The following RUFY2 variants were observed in gnomAD, a reference collection of about 807,000 sequenced individuals.
The protein encoded by RUFY2 is RUN and FYVE domain containing 2.
Under a neutral mutation model 94.4 loss-of-function variants are expected in RUFY2, and 49 were observed. That is an observed-to-expected ratio of 0.52 (90% CI 0.41 to 0.66). The LOEUF (loss-of-function observed/expected upper bound fraction) is 0.66. Ranked by LOEUF, RUFY2 falls within the 30% of genes least tolerant of loss-of-function variation. RUFY2 has a pLI of 0.00. For synonymous variants in RUFY2, 255 were observed against 235.7 expected, an observed-to-expected ratio of 1.08 and a Z score of -0.75; for missense variants, 541 against 692.8, an observed-to-expected ratio of 0.78 and a Z score of 2.46.
intron 1 of RUFY2, chr10:68,406,780 C>T (rs762065487): frequency 1.9e-6 from 3 of 1,612,196 alleles, no homozygotes; most frequent in South Asian, 2.2e-5. Flanking sequence ...CAGCATTCCC[C>T]GTCTCCCGCC....
At position 68,346,174 on chromosome 10, in the gene RUFY2, T is replaced by C. The variant is rs115562997; in HGVS notation, c.1600-90A>G. The C allele has an allele frequency of 1.6e-3, 1,406 of 895,990 alleles. 23 individuals carry two copies. In the African/African-American group the frequency reaches 0.022, roughly 14 times the overall value. 55.5% of individuals were successfully genotyped at this position (895,990 alleles called of 1,614,324 possible). A position where few individuals can be genotyped will look rare whatever the true frequency, so the allele number is the denominator to read the frequency against. Reference sequence around the variant, plus strand: ...CCCCCAAGAACATTATTTATAGGAATAGATATATGAAGAATGGAAAATAAG... The same window carrying C: ...CCCCCAAGAACATTATTTATAGGAACAGATATATGAAGAATGGAAAATAAG... On this transcript the variant is annotated intron_variant, in intron 16 of 17. Coordinates refer to ENST00000602465, the MANE Select transcript of RUFY2 (RefSeq NM_001330103.2).
At chr10:68,370,176 T>A (rs905836275) in intron 13 of RUFY2, among the ~76,000 whole-genome samples, 1 of 151,942 alleles carries the variant, frequency 6.6e-6, no homozygotes, top group Non-Finnish European at 1.5e-5. Context: ...TCCCAGCTAC[T>A]AAAGAGGCTG....
intron 12 of RUFY2, 120 bp downstream of exon 12, chr10:68,379,304 A>C: frequency 1.3e-6 from 1 of 749,058 alleles, no homozygotes; most frequent in Non-Finnish European, 2.1e-6. Flanking sequence ...TGCTGGGCTT[A>C]AACAAAAAAC....
At chr10:68,397,582 T>C (rs1310708167) in intron 3 of RUFY2, among the ~76,000 whole-genome samples, 1 of 149,762 alleles carries the variant, frequency 6.7e-6, no homozygotes, top group African/African-American at 2.4e-5. Flanking sequence ...AAAAATAAAT[T>C]AATTAAATTT....
intron 12 of RUFY2, chr10:68,378,013 G>C (rs939858524): frequency 6.8e-5 from 67 of 985,358 alleles, no homozygotes; most frequent in Non-Finnish European, 7.5e-5. Flanking sequence ...TTTTCTCTAA[G>C]GTTACAAAAA....
chr10:68,355,266 T>G, intron 16 of RUFY2, 87 bp downstream of exon 16: 1 of 952,708 alleles, frequency 1.0e-6, no homozygotes. Context: ...TATCCTGGGG[T>G]TAATAATACA....
chr10:68,396,434 T>C (rs1589978885), intron 4 of RUFY2, among the ~76,000 whole-genome samples: 1 of 151,388 alleles, frequency 6.6e-6, no homozygotes, highest in South Asian at 2.1e-4. Context: ...TTTTTATCCA[T>C]AGAATTAACC....
At chr10:68,390,216 T>G (rs1441248989) in intron 7 of RUFY2, among the ~76,000 whole-genome samples, 1 of 152,182 alleles carries the variant, frequency 6.6e-6, no homozygotes, top group African/African-American at 2.4e-5. Flanking sequence ...TTATATGAAG[T>G]CTTTCCTATT....
rs2046104066 is a variant in RUFY2 at position 68,343,660 on chromosome 10, A to C, written c.*2108T>G. 1.3e-5 allele frequency: 2 copies of C among 152,540 alleles called. No homozygotes were observed. Among genetic ancestry groups the C allele is most frequent in the South Asian group, 4.1e-4 (2 of 4,826 alleles). 9.4% of individuals were successfully genotyped at this position (152,540 alleles called of 1,614,324 possible). A position where few individuals can be genotyped will look rare whatever the true frequency, so the allele number is the denominator to read the frequency against. On this transcript the variant is annotated 3_prime_UTR_variant, in exon 18 of 18. Coordinates refer to ENST00000602465, the MANE Select transcript of RUFY2 (RefSeq NM_001330103.2). ...CTGCTAGGTGAGGGAATGGTATGTT[A>C]AGTCTGTTTTTGAAAAGTAAAATGA... is the stretch of plus-strand genomic sequence containing the variant.
chr10:68,400,447 C>T (rs534207591), intron 3 of RUFY2, among the ~76,000 whole-genome samples: 31 of 151,992 alleles, frequency 2.0e-4, no homozygotes, highest in African/African-American at 4.8e-4. Context: ...GAGGCCAAGG[C>T]GGGCGGATCA....
intron 16 of RUFY2, among the ~76,000 whole-genome samples, chr10:68,353,663 G>T (rs1356640298): frequency 6.6e-6 from 1 of 151,944 alleles, no homozygotes; most frequent in Non-Finnish European, 1.5e-5. Flanking sequence ...GCCAGGCAAG[G>T]TGGCACGCAC....
chr10:68,392,271 G>A (rs1389523128), intron 7 of RUFY2, among the ~76,000 whole-genome samples: 1 of 151,910 alleles, frequency 6.6e-6, no homozygotes, highest in Non-Finnish European at 1.5e-5. Flanking sequence ...TACCTCAGGT[G>A]ATCCACCCGC....
chr10:68,406,868 C>A (rs751664719), intron 1 of RUFY2: 35 of 1,606,366 alleles, frequency 2.2e-5, no homozygotes, highest in Non-Finnish European at 3.0e-5. Flanking sequence ...GTCATCGCCC[C>A]TCCCCGCCTG....
intron 16 of RUFY2, among the ~76,000 whole-genome samples, chr10:68,353,299 C>G (rs1246689740): frequency 6.6e-6 from 1 of 151,130 alleles, no homozygotes; most frequent in Non-Finnish European, 1.5e-5. Context: ...CCACTGCACT[C>G]CAGCCTGGGT....
In RUFY2 at chr10:68,394,074, C is replaced by T; in HGVS notation, c.584+1G>A. 2 of 1,502,328 alleles carry T rather than the reference C, an allele frequency of 1.3e-6. No homozygotes were observed. Among genetic ancestry groups the T allele is most frequent in the Non-Finnish European group, 1.8e-6 (2 of 1,117,610 alleles). The allele number at this position is 1,502,328 out of a possible 1,614,324, so 93.1% of individuals were successfully genotyped here. ...TGTGAAATAACTTATGAAAATCATA[C>T]CTTTCTTTATTTCCAATATCTTCTT... On this transcript the variant is annotated splice_donor_variant, in intron 6 of 17. Transcript: ENST00000602465. LOFTEE classifies it high-confidence loss of function.
intron 12 of RUFY2, chr10:68,379,101 A>C: frequency 3.5e-6 from 1 of 281,792 alleles, no homozygotes; most frequent in Non-Finnish European, 6.5e-6. Flanking sequence ...AATCAGGGAT[A>C]ATCTCACTCT....
chr10:68,394,687 T>C (rs1301693649), intron 4 of RUFY2, among the ~76,000 whole-genome samples: 1 of 151,900 alleles, frequency 6.6e-6, no homozygotes, highest in Admixed American at 6.6e-5. Flanking sequence ...CGGACTGCAG[T>C]GGCACTATCT....
intron 5 of RUFY2, 49 bp from the exon 6 acceptor site, chr10:68,394,185 T>C: frequency 6.7e-7 from 1 of 1,496,850 alleles, no homozygotes. Context: ...AAATACTTTA[T>C]CAGAAGTACC....
In RUFY2 at chr10:68,376,471, TATATATATATATATATA is replaced by T. The variant is rs1324601838; in HGVS notation, c.1325+365_1325+381del. ...ATATATATATATATATATATATATA[TATATATATATATATATA>T]TATTCTCAGAAAACAGCATGTCCTT... On this transcript the variant is annotated intron_variant, in intron 13 of 17. Coordinates refer to ENST00000602465, the MANE Select transcript of RUFY2 (RefSeq NM_001330103.2). Among the ~76,000 whole-genome samples the T allele has an allele frequency of 5.2e-3, 205 of 39,664 alleles. 26 individuals carry two copies. Among genetic ancestry groups the T allele is most frequent in the East Asian group, 0.02 (18 of 916 alleles). 26.0% of individuals were successfully genotyped at this position (39,664 alleles called of 152,430 possible).
Sources: gnomAD v4.1 joint callset for allele counts (sites outside exome capture counted in the v4.1 genomes callset) on GRCh38, gnomAD v4.1.1 for gene constraint, MANE v1.5 for transcripts, NCBI Gene and HGNC (gene_info 2026-07-23, HGNC 2026-07-21) for gene names.